Variants in SLC25A26 observed in about 807,000 individuals in gnomAD.
The protein encoded by SLC25A26 is mitochondrial S-adenosylmethionine carrier protein.
In SLC25A26, 36 loss-of-function variants were observed where a neutral mutation model predicts 37.8. That is an observed-to-expected ratio of 0.95 (90% CI 0.73 to 1.26). SLC25A26 has a LOEUF of 1.26. SLC25A26 is among the 50% of genes most tolerant of loss of function. The pLI is 0.00. For missense variants in SLC25A26, 390 were observed against 331.1 expected, an observed-to-expected ratio of 1.18 and a Z score of -1.38; for synonymous variants, 129 against 122.5, an observed-to-expected ratio of 1.05 and a Z score of -0.35.
chr3:66,238,682 A>T (rs1182730703), intron 2 of SLC25A26, among the ~76,000 whole-genome samples: 1 of 152,160 alleles, frequency 6.6e-6, no homozygotes, highest in Non-Finnish European at 1.5e-5. Context: ...TATATACTGT[A>T]TTCTTACAAT....
At chr3:66,349,855 A>G (rs994663897) in intron 6 of SLC25A26, among the ~76,000 whole-genome samples, 1 of 152,162 alleles carries the variant, frequency 6.6e-6, no homozygotes, top group Non-Finnish European at 1.5e-5. Context: ...CTCTACATCC[A>G]TGTCATTTCT....
intron 7 of SLC25A26, 83 bp from the exon 8 acceptor site, chr3:66,369,395 T>G: frequency 1.7e-6 from 2 of 1,164,066 alleles, no homozygotes; most frequent in East Asian, 2.6e-5. Flanking sequence ...ACGAAGTGAT[T>G]TGGGCAGAGT....
chr3:66,303,513 T>C (rs1043820768), intron 5 of SLC25A26, among the ~76,000 whole-genome samples: 7 of 152,212 alleles, frequency 4.6e-5, no homozygotes, highest in East Asian at 1.9e-4. Flanking sequence ...TCAGAAAATA[T>C]TGTAGGACTT....
chr3:66,357,673 TTGAG>T (rs1163351686), intron 6 of SLC25A26, among the ~76,000 whole-genome samples: 7 of 152,034 alleles, frequency 4.6e-5, no homozygotes, highest in Non-Finnish European at 8.8e-5. Context: ...CTTATTTAGG[TTGAG>T]AAATTATGGA....
chr3:66,266,597 T>TTTTTTA (rs57414222), intron 5 of SLC25A26, among the ~76,000 whole-genome samples: 5 of 148,786 alleles, frequency 3.4e-5, no homozygotes, highest in African/African-American at 1.0e-4. Context: ...TTTTTTTTTT[T>TTTTTTA]ACTGCATTTG....
chr3:66,285,833 G>A (rs1313850498), intron 5 of SLC25A26, among the ~76,000 whole-genome samples: 2 of 152,058 alleles, frequency 1.3e-5, no homozygotes, highest in East Asian at 3.9e-4. Context: ...TTGCCCTTCT[G>A]GGAGCTAACC....
intron 5 of SLC25A26, among the ~76,000 whole-genome samples, chr3:66,340,812 G>T (rs764536000): frequency 6.6e-6 from 1 of 151,814 alleles, no homozygotes; most frequent in Admixed American, 6.6e-5. Context: ...GATTGTTTTG[G>T]TTATTCCACG....
chr3:66,319,744 CTTTTTTTTTTTT>C (rs71105981), intron 5 of SLC25A26, among the ~76,000 whole-genome samples: 1 of 92,090 alleles, frequency 1.1e-5, no homozygotes. Context: ...GCAATTAAAT[CTTTTTTTTTTTT>C]TTTTTTTTTT....
intron 1 of SLC25A26, among the ~76,000 whole-genome samples, chr3:66,200,990 C>T (rs2071101162): frequency 1.3e-5 from 2 of 152,122 alleles, no homozygotes; most frequent in African/African-American, 4.8e-5. Flanking sequence ...ACCGTATAAT[C>T]ACTATGAGAA....
intron 1 of SLC25A26, among the ~76,000 whole-genome samples, chr3:66,208,974 G>GTGTGTA (rs1224075955): frequency 1.7e-4 from 14 of 83,118 alleles, no homozygotes; most frequent in African/African-American, 4.3e-4. Context: ...ATAAAGGTGT[G>GTGTGTA]TATATATATA....
chr3:66,211,805 G>C, intron 1 of SLC25A26, among the ~76,000 whole-genome samples: 1 of 152,024 alleles, frequency 6.6e-6, no homozygotes, highest in Non-Finnish European at 1.5e-5. Context: ...GTCTTTTATT[G>C]TTGTAAAATA....
chr3:66,226,662 T>A (rs1296651933), intron 1 of SLC25A26, among the ~76,000 whole-genome samples: 1 of 152,118 alleles, frequency 6.6e-6, no homozygotes, highest in Non-Finnish European at 1.5e-5. Flanking sequence ...AGGGTCTTGC[T>A]GTGTTGCCAG....
chr3:66,231,364 T>C (rs1031486106), intron 1 of SLC25A26, among the ~76,000 whole-genome samples: 2 of 147,882 alleles, frequency 1.4e-5, no homozygotes, highest in Non-Finnish European at 3.0e-5. Context: ...AAATTAGAGA[T>C]TTTTTTTTTC....
chr3:66,252,807 C>A (rs986170711), intron 3 of SLC25A26, among the ~76,000 whole-genome samples: 2 of 152,200 alleles, frequency 1.3e-5, no homozygotes, highest in African/African-American at 4.8e-5. Flanking sequence ...TTATTATTCC[C>A]AGCTAATAAT....
chr3:66,150,211 A>G (rs2070179078), intron 1 of SLC25A26, among the ~76,000 whole-genome samples: 1 of 151,946 alleles, frequency 6.6e-6, no homozygotes, highest in African/African-American at 2.4e-5. Context: ...AAAATATATA[A>G]CATAGGCCGG....
At chr3:66,290,281 C>G (rs190342350) in intron 5 of SLC25A26, among the ~76,000 whole-genome samples, 17 of 152,224 alleles carry the variant, frequency 1.1e-4, no homozygotes, top group East Asian at 5.8e-4. Context: ...TTGACTTCCT[C>G]TCTTCCTATT....
intron 1 of SLC25A26, among the ~76,000 whole-genome samples, chr3:66,221,874 T>A (rs1553658596): frequency 6.6e-6 from 1 of 151,480 alleles, no homozygotes; most frequent in Non-Finnish European, 1.5e-5. Context: ...AAATAATTTT[T>A]AAAATGATTT....
intron 2 of SLC25A26, 163 bp downstream of exon 2, chr3:66,236,863 G>T (rs974129688): frequency 3.9e-6 from 1 of 256,294 alleles, no homozygotes; most frequent in South Asian, 1.5e-4. Flanking sequence ...TTTAGTCACG[G>T]TCTCACTTTG....
In SLC25A26 at chr3:66,178,449, C is replaced by T. The variant is rs376647315; in HGVS notation, c.-353-42293C>T. Among the ~76,000 whole-genome samples, 35 of 152,258 alleles carry T rather than the reference C, an allele frequency of 2.3e-4. No homozygotes were observed. The South Asian group carries it at 4.2e-3, about 18-fold the overall frequency. On this transcript the variant is annotated intron_variant, in intron 1 of 10. Coordinates refer to the SLC25A26 transcript ENST00000676754. Reference sequence around the variant, plus strand: ...TCTGGGCAGCGTTTGGTGCACTTTTCGTGAGGTACTGACAGACGTTGTCCC... The same window carrying T: ...TCTGGGCAGCGTTTGGTGCACTTTTTGTGAGGTACTGACAGACGTTGTCCC...
Sources: allele counts gnomAD v4.1 joint callset (sites outside exome capture counted in the v4.1 genomes callset), GRCh38; gene constraint gnomAD v4.1.1; transcripts MANE v1.5; gene names NCBI Gene and HGNC (gene_info 2026-07-23, HGNC 2026-07-21).